Variants in TXNDC8 observed in about 807,000 individuals in gnomAD.
TXNDC8 encodes the protein thioredoxin domain-containing protein 8.
TXNDC8 carries 15 observed loss-of-function variants against 12.9 expected under a neutral mutation model. The observed-to-expected ratio is 1.16, with a 90% confidence interval of 0.78 to 1.79. The LOEUF (loss-of-function observed/expected upper bound fraction) is 1.79. Among genes scored for constraint, TXNDC8 ranks in the 40% most tolerant of loss-of-function variants. TXNDC8 has a pLI of 0.00. For missense variants in TXNDC8, 128 were observed against 113.2 expected, an observed-to-expected ratio of 1.13 and a Z score of -0.59; for synonymous variants, 40 against 35.4, an observed-to-expected ratio of 1.13 and a Z score of -0.46.
At chr9:110,320,872 C>T (rs535499998) in intron 3 of TXNDC8, among the ~76,000 whole-genome samples, 2 of 152,312 alleles carry the variant, frequency 1.3e-5, no homozygotes, top group Admixed American at 6.5e-5. Context: ...GATGAAAACA[C>T]TAAGGAGTAC....
intron 1 of TXNDC8, among the ~76,000 whole-genome samples, chr9:110,336,546 A>G (rs901170069): frequency 5.9e-5 from 9 of 152,204 alleles, no homozygotes; most frequent in Non-Finnish European, 1.5e-5. Flanking sequence ...GAATACTCTC[A>G]TAGTATAGGT....
At chr9:110,324,935 A>G (rs1369025564) in intron 3 of TXNDC8, among the ~76,000 whole-genome samples, 2 of 152,206 alleles carry the variant, frequency 1.3e-5, no homozygotes, top group Admixed American at 1.3e-4. Context: ...AACATGGTGA[A>G]ACCCCATCTC....
chr9:110,306,758 T>G (rs370013905), intron 3 of TXNDC8, among the ~76,000 whole-genome samples: 1 of 152,192 alleles, frequency 6.6e-6, no homozygotes, highest in African/African-American at 2.4e-5. Flanking sequence ...TCCTGTCATC[T>G]TTTCTCACTT....
At chr9:110,309,285 C>T (rs1838573621) in intron 3 of TXNDC8, among the ~76,000 whole-genome samples, 1 of 152,032 alleles carries the variant, frequency 6.6e-6, no homozygotes, top group African/African-American at 2.4e-5. Flanking sequence ...ATTGACCCCC[C>T]CACAATATGC....
At chr9:110,314,621 A>T (rs966286837) in intron 3 of TXNDC8, among the ~76,000 whole-genome samples, 1 of 151,682 alleles carries the variant, frequency 6.6e-6, no homozygotes, top group Admixed American at 6.6e-5. Flanking sequence ...TTTAGTAGAG[A>T]CGGGGTTTCA....
chr9:110,305,577 TC>T (rs1410136318), intron 3 of TXNDC8, among the ~76,000 whole-genome samples: 1 of 141,260 alleles, frequency 7.1e-6, no homozygotes, highest in Non-Finnish European at 1.5e-5. Context: ...TTTCTTTCTT[TC>T]TTTCTTTCTT....
chr9:110,314,253 AT>A (rs1376204888), intron 3 of TXNDC8, among the ~76,000 whole-genome samples: 1 of 152,062 alleles, frequency 6.6e-6, no homozygotes, highest in African/African-American at 2.4e-5. Context: ...GACTGAACCA[AT>A]GTTCATCTTA....
At chr9:110,321,412 T>C (rs924279694) in intron 3 of TXNDC8, among the ~76,000 whole-genome samples, 2 of 152,238 alleles carry the variant, frequency 1.3e-5, no homozygotes, top group Admixed American at 6.5e-5. Flanking sequence ...GAAATTATCA[T>C]AAAGCTTTTT....
At chr9:110,327,198 T>C (rs1312686296) in intron 2 of TXNDC8, among the ~76,000 whole-genome samples, 2 of 152,170 alleles carry the variant, frequency 1.3e-5, no homozygotes, top group Non-Finnish European at 2.9e-5. Context: ...GAAAACAGTT[T>C]GCCACTTCCT....
In TXNDC8 at chr9:110,310,965, G is replaced by A. The variant is rs1838642157; in HGVS notation, c.196-6433C>T. Among the ~76,000 whole-genome samples, 3 of 152,142 alleles carry A rather than the reference G, an allele frequency of 2.0e-5. No individual in the cohort carries two copies. In the East Asian group the frequency reaches 5.8e-4, roughly 29 times the overall value. On this transcript the variant is annotated intron_variant, in intron 3 of 4. Coordinates refer to ENST00000423740, the MANE Select transcript of TXNDC8 (RefSeq NM_001286946.2). ...TGAATTTAGTAACTTCTAATCTTTT[G>A]GCTTCAAGCAGTCTAGTCCACAGGC...
intron 3 of TXNDC8, among the ~76,000 whole-genome samples, chr9:110,306,954 A>AT (rs1200645913): frequency 6.6e-6 from 1 of 151,792 alleles, no homozygotes; most frequent in Non-Finnish European, 1.5e-5. Context: ...TTATTTATTT[A>AT]TTTTAGAGAT....
intron 4 of TXNDC8, among the ~76,000 whole-genome samples, chr9:110,304,118 T>C (rs1838336336): frequency 6.6e-6 from 1 of 152,260 alleles, no homozygotes; most frequent in African/African-American, 2.4e-5. Context: ...TTCTTAGTGG[T>C]ATATAAAATA....
At chr9:110,317,875 C>T (rs1838944795) in intron 3 of TXNDC8, among the ~76,000 whole-genome samples, 1 of 152,240 alleles carries the variant, frequency 6.6e-6, no homozygotes, top group Admixed American at 6.5e-5. Flanking sequence ...TTCACCACCC[C>T]CTAGAAATGT....
At chr9:110,323,827 C>T in intron 3 of TXNDC8, 1 of 1,539,866 alleles carries the variant, frequency 6.5e-7, no homozygotes, top group Non-Finnish European at 8.8e-7. Flanking sequence ...GCTTCAGACT[C>T]ATATCTTCCC....
At position 110,307,202 on chromosome 9, in the gene TXNDC8, C is replaced by T. The variant is rs567676905; in HGVS notation, c.196-2670G>A. Among the ~76,000 whole-genome samples, 14 of 152,116 alleles carry T rather than the reference C, an allele frequency of 9.2e-5. No individual in the cohort carries two copies. The South Asian group carries it at 2.7e-3, about 29-fold the overall frequency. On this transcript the variant is annotated intron_variant, in intron 3 of 4. Transcript: ENST00000423740. ...CTCCTGGCCTCAAAAGATCCTCCTG[C>T]CTCCCCTCCCAAAGTGCTGGGTTTA... is the stretch of plus-strand genomic sequence containing the variant.
At chr9:110,332,382 A>G (rs186161678) in intron 2 of TXNDC8, among the ~76,000 whole-genome samples, 184 of 152,322 alleles carry the variant, frequency 1.2e-3, no homozygotes, top group African/African-American at 4.4e-3. Flanking sequence ...TAAGAATTTT[A>G]GGCGGATAAG....
chr9:110,314,860 G>A (rs1455852466), intron 3 of TXNDC8, among the ~76,000 whole-genome samples: 1 of 152,172 alleles, frequency 6.6e-6, no homozygotes, highest in Non-Finnish European at 1.5e-5. Context: ...TATTAAGGGA[G>A]CGAGTTTACT....
chr9:110,312,559 G>C (rs1838727668), intron 3 of TXNDC8, among the ~76,000 whole-genome samples: 1 of 152,168 alleles, frequency 6.6e-6, no homozygotes, highest in Admixed American at 6.5e-5. Context: ...AATTCCCATA[G>C]GCATTTGATG....
In TXNDC8 at chr9:110,304,504, A is replaced by T; in HGVS notation, c.224T>A (p.Ile75Lys). The change falls in exon 4 of 5, where the codon ATA (isoleucine) becomes AAA (lysine). Residue 75 changes from isoleucine (I) to lysine (K), a missense_variant. Coordinates refer to ENST00000423740, the MANE Select transcript of TXNDC8 (RefSeq NM_001286946.2). ...GAATCCACTTCTATAACAGCAAATT[A>T]TTCTTTTGATTCTTGAGAATAGGGT... The T allele has an allele frequency of 6.2e-7, 1 of 1,610,250 alleles. No homozygotes were observed. Among genetic ancestry groups the T allele is most frequent in the Non-Finnish European group, 8.5e-7 (1 of 1,177,636 alleles).
Sources: gnomAD v4.1 joint callset for allele counts (sites outside exome capture counted in the v4.1 genomes callset) on GRCh38, gnomAD v4.1.1 for gene constraint, MANE v1.5 for transcripts, NCBI Gene and HGNC (gene_info 2026-07-23, HGNC 2026-07-21) for gene names.